DSCAM: variants seen among roughly 807,000 people sequenced by gnomAD.
DSCAM encodes DS cell adhesion molecule, also known as cell adhesion molecule DSCAM.
DSCAM carries 47 observed loss-of-function variants against 217.7 expected under a neutral mutation model. That is an observed-to-expected ratio of 0.22 (90% confidence interval 0.17 to 0.28). The LOEUF (loss-of-function observed/expected upper bound fraction) is 0.28, where lower values mean the gene tolerates loss of function less well. DSCAM is among the 10% of genes least tolerant of loss of function. The pLI is 1.00. For missense variants in DSCAM, 2,080 were observed against 2,618.3 expected (o/e 0.79, Z 4.49); for synonymous variants, 1,056 against 1,015.3 (o/e 1.04, Z -0.76).
intron 3 of DSCAM, among the ~76,000 whole-genome samples, chr21:40,373,452 T>G (rs1020530055): frequency 2.6e-5 from 4 of 151,928 alleles, no homozygotes; most frequent in African/African-American, 9.7e-5. Context: ...TTTAGGAACA[T>G]CCCAAGAAGT....
chr21:40,216,270 A>G (rs900201709), intron 11 of DSCAM, among the ~76,000 whole-genome samples: 3 of 151,232 alleles, frequency 2.0e-5, no homozygotes, highest in African/African-American at 7.4e-5. Context: ...TGCCTGCCTA[A>G]TTTAAAAAAA....
intron 28 of DSCAM, among the ~76,000 whole-genome samples, chr21:40,057,124 A>G (rs936268200): frequency 1.3e-5 from 2 of 152,204 alleles, no homozygotes; most frequent in Non-Finnish European, 2.9e-5. Context: ...CAACATTCCT[A>G]CTTAGGACTT....
intron 3 of DSCAM, among the ~76,000 whole-genome samples, chr21:40,611,421 T>C (rs925786167): frequency 6.6e-6 from 1 of 152,300 alleles, no homozygotes; most frequent in African/African-American, 2.4e-5. Context: ...CATTTCCACA[T>C]GTAATTCATA....
intron 19 of DSCAM, among the ~76,000 whole-genome samples, chr21:40,132,617 A>G (rs2090164857): frequency 6.6e-6 from 1 of 152,214 alleles, no homozygotes. Flanking sequence ...CAATGTGAGA[A>G]GGGCTACAGA....
At chr21:40,515,102 A>G (rs1343809387) in intron 3 of DSCAM, among the ~76,000 whole-genome samples, 2 of 152,348 alleles carry the variant, frequency 1.3e-5, no homozygotes, top group East Asian at 3.9e-4. Context: ...GGTAATTCCT[A>G]CTATAATCTG....
chr21:40,590,951 T>C (rs1044376965), intron 3 of DSCAM, among the ~76,000 whole-genome samples: 2 of 152,068 alleles, frequency 1.3e-5, no homozygotes, highest in African/African-American at 4.8e-5. Flanking sequence ...GGTTTGGCCG[T>C]GTCCCCACCC....
At chr21:40,774,673 C>T (rs1423802121) in intron 1 of DSCAM, among the ~76,000 whole-genome samples, 1 of 151,952 alleles carries the variant, frequency 6.6e-6, no homozygotes, top group Non-Finnish European at 1.5e-5. Flanking sequence ...ACAAATGGAA[C>T]ACATTATTAG....
chr21:40,486,254 C>T (rs2076027387), intron 3 of DSCAM, among the ~76,000 whole-genome samples: 2 of 152,166 alleles, frequency 1.3e-5, no homozygotes, highest in Non-Finnish European at 2.9e-5. Context: ...ATGGTTTATC[C>T]TGGGCCTTTC....
chr21:40,195,676 G>A (rs1385355904), intron 11 of DSCAM, among the ~76,000 whole-genome samples: 1 of 152,138 alleles, frequency 6.6e-6, no homozygotes, highest in African/African-American at 2.4e-5. Flanking sequence ...GGCAGAGGAG[G>A]GTGTGGAGCC....
chr21:40,272,075 ATTT>A (rs35320680), intron 11 of DSCAM, among the ~76,000 whole-genome samples: 2 of 145,410 alleles, frequency 1.4e-5, no homozygotes, highest in East Asian at 2.0e-4. Flanking sequence ...TGACAGAGCT[ATTT>A]TTTTTTTTTT....
chr21:40,052,194 G>C (rs2088944062), intron 29 of DSCAM, 87 bp from the exon 30 acceptor site: 1 of 1,453,480 alleles, frequency 6.9e-7, no homozygotes, highest in Non-Finnish European at 9.3e-7. Flanking sequence ...AGGCACTTGT[G>C]TTATTGTTAA....
At chr21:40,063,142 A>G (rs899169280) in intron 27 of DSCAM, among the ~76,000 whole-genome samples, 1 of 152,210 alleles carries the variant, frequency 6.6e-6, no homozygotes, top group Non-Finnish European at 1.5e-5. Context: ...TAACATTCTC[A>G]GACATCTACT....
intron 3 of DSCAM, among the ~76,000 whole-genome samples, chr21:40,506,778 G>A (rs1329542644): frequency 1.3e-5 from 2 of 152,068 alleles, no homozygotes; most frequent in Non-Finnish European, 2.9e-5. Context: ...CAGATTGGTG[G>A]TTATAAAGGG....
intron 3 of DSCAM, among the ~76,000 whole-genome samples, chr21:40,669,089 G>A (rs1371252405): frequency 2.6e-5 from 4 of 152,004 alleles, no homozygotes; most frequent in Admixed American, 6.6e-5. Flanking sequence ...TCACAGAGTC[G>A]GTGGTCACTA....
At chr21:40,175,786 C>CACACACACAG (rs2090719351) in intron 15 of DSCAM, among the ~76,000 whole-genome samples, 1 of 99,322 alleles carries the variant, frequency 1.0e-5, no homozygotes, top group Non-Finnish European at 2.1e-5. Flanking sequence ...CACATACACA[C>CACACACACAG]ACACACACAC....
At chr21:40,202,707 G>C (rs923864631) in intron 11 of DSCAM, among the ~76,000 whole-genome samples, 3 of 152,202 alleles carry the variant, frequency 2.0e-5, no homozygotes, top group African/African-American at 7.2e-5. Flanking sequence ...CCATATTTCT[G>C]ATTCCTAAAG....
chr21:40,366,203 CT>C (rs1022794508), intron 4 of DSCAM, among the ~76,000 whole-genome samples: 2 of 152,002 alleles, frequency 1.3e-5, no homozygotes, highest in East Asian at 1.9e-4. Flanking sequence ...TGACAGGAGA[CT>C]TTTTTTGAAT....
At chr21:40,458,689 G>A (rs1307023500) in intron 3 of DSCAM, among the ~76,000 whole-genome samples, 3 of 152,008 alleles carry the variant, frequency 2.0e-5, no homozygotes, top group Non-Finnish European at 4.4e-5. Flanking sequence ...CAAAAATAAT[G>A]AAGATTTAAA....
chr21:40,489,753 C>A (rs1378337256), intron 3 of DSCAM, among the ~76,000 whole-genome samples: 1 of 104,770 alleles, frequency 9.5e-6, no homozygotes, highest in Non-Finnish European at 1.7e-5. Flanking sequence ...CCAGCCTGGG[C>A]GACAGGGCGA....
Sources: gnomAD v4.1 joint callset for allele counts (sites outside exome capture counted in the v4.1 genomes callset) on GRCh38, gnomAD v4.1.1 for gene constraint, MANE v1.5 for transcripts, NCBI Gene and HGNC (gene_info 2026-07-23, HGNC 2026-07-21) for gene names.